Variants in FMN1 observed in about 807,000 individuals in gnomAD.
FMN1 encodes formin 1.
In FMN1, 110 loss-of-function variants were observed where a neutral mutation model predicts 132.4. That is an observed-to-expected ratio of 0.83 (90% CI 0.71 to 0.97). The LOEUF (loss-of-function observed/expected upper bound fraction) is 0.97. FMN1 is among the 50% of genes least tolerant of loss of function. The pLI, the probability that FMN1 is intolerant of heterozygous loss-of-function variation, is 0.00. For missense variants in FMN1, 1,792 were observed against 1,705.3 expected (o/e 1.05, Z -0.90); for synonymous variants, 722 against 651.7 (o/e 1.11, Z -1.64).
chr15:32,779,922 T>C (rs375959674), intron 19 of FMN1, among the ~76,000 whole-genome samples: 12 of 152,324 alleles, frequency 7.9e-5, no homozygotes, highest in South Asian at 2.1e-4. Context: ...AGAGGCATGA[T>C]ACTGAGAGTG....
chr15:33,142,016 A>G (rs1964030560), intron 4 of FMN1, among the ~76,000 whole-genome samples: 1 of 152,212 alleles, frequency 6.6e-6, no homozygotes, highest in Non-Finnish European at 1.5e-5. Context: ...GCTGTTTAGT[A>G]TAACTCTTTT....
chr15:32,955,003 C>G (rs560174170), intron 9 of FMN1, among the ~76,000 whole-genome samples: 5 of 152,262 alleles, frequency 3.3e-5, no homozygotes, highest in Admixed American at 6.5e-5. Context: ...AAAAAATAAG[C>G]TGTGGGGTTG....
At chr15:33,131,059 G>A (rs1365731638) in intron 4 of FMN1, among the ~76,000 whole-genome samples, 1 of 152,306 alleles carries the variant, frequency 6.6e-6, no homozygotes, top group South Asian at 2.1e-4. Flanking sequence ...GCCGGGTGCG[G>A]TGGCTCATGC....
chr15:33,128,286 A>G (rs1381897370), intron 4 of FMN1, among the ~76,000 whole-genome samples: 1 of 152,170 alleles, frequency 6.6e-6, no homozygotes, highest in African/African-American at 2.4e-5. Flanking sequence ...AACAGTTGGG[A>G]ATTTGAACAT....
intron 5 of FMN1, chr15:33,066,423 C>T (rs1458754046): frequency 9.2e-7 from 1 of 1,081,400 alleles, no homozygotes; most frequent in Non-Finnish European, 1.3e-6. Flanking sequence ...CACTAACAGG[C>T]AACTAGGATT....
chr15:33,160,151 G>A (rs1267614043), intron 3 of FMN1, among the ~76,000 whole-genome samples: 5 of 152,092 alleles, frequency 3.3e-5, no homozygotes, highest in Non-Finnish European at 7.4e-5. Flanking sequence ...GTGGATTGTG[G>A]ATCTGAACTT....
chr15:32,946,837 T>C (rs933688821), intron 9 of FMN1, among the ~76,000 whole-genome samples: 1 of 152,172 alleles, frequency 6.6e-6, no homozygotes, highest in Non-Finnish European at 1.5e-5. Context: ...TGTTTCAAAG[T>C]CTGCATATGG....
At chr15:33,157,039 G>A (rs1313895904) in intron 3 of FMN1, among the ~76,000 whole-genome samples, 1 of 151,874 alleles carries the variant, frequency 6.6e-6, no homozygotes, top group African/African-American at 2.4e-5. Flanking sequence ...AGGCCGAGGT[G>A]GGCAGATCAC....
At chr15:32,873,773 G>A (rs532225310) in intron 16 of FMN1, among the ~76,000 whole-genome samples, 3 of 152,012 alleles carry the variant, frequency 2.0e-5, no homozygotes, top group Non-Finnish European at 4.4e-5. Context: ...AACATCTTCA[G>A]CCCTGATGTT....
Position 32,769,325 on chromosome 15 carries a change from T to C in FMN1, c.*4985A>G, listed in dbSNP as rs912659461. Reference sequence around the variant, plus strand: ...AAATTCATCACTTTCCAACAAAGCATTGATCTGGAAGTTCAGTAGATTGCC... The same window carrying C: ...AAATTCATCACTTTCCAACAAAGCACTGATCTGGAAGTTCAGTAGATTGCC... On this transcript the variant is annotated 3_prime_UTR_variant, in exon 21 of 21. Transcript: ENST00000616417. 2.0e-5 allele frequency: 3 copies of C among 152,222 alleles called. No individual in the cohort carries two copies. Among genetic ancestry groups the C allele is most frequent in the African/African-American group, 4.8e-5 (2 of 41,452 alleles). The allele number at this position is 152,222 out of a possible 1,614,324, so 9.4% of individuals were successfully genotyped here.
At chr15:32,891,593 C>A (rs189673774) in intron 15 of FMN1, among the ~76,000 whole-genome samples, 83 of 152,200 alleles carry the variant, frequency 5.5e-4, no homozygotes, top group African/African-American at 2.0e-3. Flanking sequence ...GGAGACTGCA[C>A]TGAATTTGTA....
At chr15:32,808,582 G>A (rs924454727) in intron 17 of FMN1, among the ~76,000 whole-genome samples, 5 of 152,204 alleles carry the variant, frequency 3.3e-5, no homozygotes, top group East Asian at 3.8e-4. Flanking sequence ...CTGGGTGATC[G>A]TCAGAAAATC....
intron 17 of FMN1, among the ~76,000 whole-genome samples, chr15:32,806,676 G>A (rs929194359): frequency 2.6e-5 from 4 of 152,282 alleles, no homozygotes; most frequent in Middle Eastern, 3.4e-3. Context: ...CAGCTTCGCT[G>A]GCAGCTGCCT....
chr15:32,823,583 A>G (rs2058290919), intron 17 of FMN1, among the ~76,000 whole-genome samples: 1 of 152,160 alleles, frequency 6.6e-6, no homozygotes, highest in Admixed American at 6.5e-5. Flanking sequence ...CAAAACTCAA[A>G]GTTTTAAGTT....
intron 7 of FMN1, among the ~76,000 whole-genome samples, chr15:32,993,208 T>C (rs1314681404): frequency 1.3e-5 from 2 of 151,830 alleles, no homozygotes; most frequent in Non-Finnish European, 2.9e-5. Flanking sequence ...TTGGTATGAA[T>C]ATATTACATT....
intron 8 of FMN1, among the ~76,000 whole-genome samples, chr15:32,968,471 C>T (rs2031453688): frequency 1.3e-5 from 2 of 152,052 alleles, no homozygotes; most frequent in Non-Finnish European, 2.9e-5. Context: ...GAACATTTGC[C>T]TTGGAAAAAA....
chr15:33,063,723 G>C (rs906892340), intron 6 of FMN1: 1 of 152,080 alleles, frequency 6.6e-6, no homozygotes. Flanking sequence ...TTCAAGTTTG[G>C]GTTAAACAGA....
At chr15:32,833,111 GC>G (rs1241101661) in intron 17 of FMN1, among the ~76,000 whole-genome samples, 1 of 152,104 alleles carries the variant, frequency 6.6e-6, no homozygotes, top group Non-Finnish European at 1.5e-5. Context: ...TTTATTAAAT[GC>G]CCACTGCATG....
At chr15:32,844,268 A>G (rs1162843237) in intron 17 of FMN1, among the ~76,000 whole-genome samples, 8 of 152,130 alleles carry the variant, frequency 5.3e-5, no homozygotes, top group African/African-American at 1.9e-4. Context: ...ATTTTTAGCT[A>G]TTGAGACAGG....
Sources: gnomAD v4.1 joint callset for allele counts (sites outside exome capture counted in the v4.1 genomes callset) on GRCh38, gnomAD v4.1.1 for gene constraint, MANE v1.5 for transcripts, NCBI Gene and HGNC (gene_info 2026-07-23, HGNC 2026-07-21) for gene names.